The following SLA variants were observed in gnomAD, a reference collection of about 807,000 sequenced individuals.
The protein encoded by SLA is Src like adaptor.
SLA carries 16 observed loss-of-function variants against 30.3 expected under a neutral mutation model. That is an observed-to-expected ratio of 0.53 (90% CI 0.36 to 0.80). The LOEUF (loss-of-function observed/expected upper bound fraction) is 0.80. Among genes scored for constraint, SLA ranks in the 30% least tolerant of loss-of-function variants. SLA has a pLI of 0.01. For synonymous variants in SLA, 143 were observed against 137.8 expected (o/e 1.04, Z -0.26); for missense variants, 310 against 345.2 (o/e 0.90, Z 0.81).
At chr8:133,052,124 C>G (rs1473170302) in intron 3 of SLA, among the ~76,000 whole-genome samples, 1 of 152,210 alleles carries the variant, frequency 6.6e-6, no homozygotes, top group Non-Finnish European at 1.5e-5. Flanking sequence ...CCACACACCT[C>G]TAGATCCTGC....
intron 1 of SLA, chr8:133,096,344 G>A (rs1036754438): frequency 2.0e-5 from 32 of 1,614,054 alleles, no homozygotes; most frequent in African/African-American, 2.7e-5. Flanking sequence ...TCAGGACGAC[G>A]GGCTCATCAA....
chr8:133,098,033 C>A (rs973855439), intron 1 of SLA, among the ~76,000 whole-genome samples: 1 of 152,018 alleles, frequency 6.6e-6, no homozygotes, highest in Non-Finnish European at 1.5e-5. Context: ...ACAGCCAGGG[C>A]AAAATACCTT....
chr8:133,088,341 A>G (rs548074721), intron 1 of SLA, among the ~76,000 whole-genome samples: 2 of 152,250 alleles, frequency 1.3e-5, no homozygotes, highest in Admixed American at 1.3e-4. Context: ...CCAGCCGCTC[A>G]TGAGTGGAAT....
intron 5 of SLA, chr8:133,049,352 C>T (rs1017288485): frequency 3.3e-5 from 11 of 328,398 alleles, no homozygotes; most frequent in East Asian, 1.5e-4. Flanking sequence ...TAATATTTAT[C>T]GAGTGCTTAC....
At chr8:133,064,862 C>T (rs895208817) in intron 2 of SLA, among the ~76,000 whole-genome samples, 7 of 152,290 alleles carry the variant, frequency 4.6e-5, no homozygotes, top group Admixed American at 2.6e-4. Flanking sequence ...GATGCCTGGC[C>T]TTGCTGCTGG....
intron 2 of SLA, among the ~76,000 whole-genome samples, chr8:133,071,103 C>T (rs1014036140): frequency 1.2e-4 from 19 of 152,208 alleles, no homozygotes; most frequent in African/African-American, 4.6e-4. Context: ...CCTGTGTCCA[C>T]CTCAGATTGG....
intron 1 of SLA, among the ~76,000 whole-genome samples, chr8:133,080,579 A>G (rs1007283527): frequency 2.6e-5 from 4 of 152,146 alleles, no homozygotes; most frequent in African/African-American, 9.6e-5. Context: ...AGCTGCCCCA[A>G]ACTCAGGACC....
At chr8:133,051,015 C>G (rs1456410309) in intron 3 of SLA, 100 bp from the exon 4 acceptor site, 2 of 688,652 alleles carry the variant, frequency 2.9e-6, no homozygotes, top group Non-Finnish European at 5.2e-6. Context: ...TGAGATTTTC[C>G]AGCAGGAAAT....
At chr8:133,068,748 T>C (rs73361268) in intron 2 of SLA, among the ~76,000 whole-genome samples, 5,363 of 152,316 alleles carry the variant, frequency 0.035, 229 homozygotes, top group African/African-American at 0.098. Flanking sequence ...GCAGAAGCCA[T>C]TCCTGACGTG....
chr8:133,102,414 C>T (rs923554269), intron 1 of SLA, 139 bp downstream of exon 1: 11 of 700,848 alleles, frequency 1.6e-5, no homozygotes, highest in Non-Finnish European at 2.5e-5. Flanking sequence ...AGCAGAGACC[C>T]ACCCATTTTC....
chr8:133,065,154 A>G (rs1261629507), intron 2 of SLA, among the ~76,000 whole-genome samples: 2 of 152,202 alleles, frequency 1.3e-5, no homozygotes, highest in Non-Finnish European at 2.9e-5. Flanking sequence ...TGTGAATGCC[A>G]ACAACAACGG....
intron 3 of SLA, among the ~76,000 whole-genome samples, chr8:133,057,774 C>CAAAAAAA (rs5895173): frequency 7.0e-6 from 1 of 142,042 alleles, no homozygotes. Flanking sequence ...AAACAAAAAA[C>CAAAAAAA]AAAAAAAAAA....
intron 2 of SLA, chr8:133,072,789 T>C (rs1844265851): frequency 6.6e-6 from 1 of 152,150 alleles, no homozygotes; most frequent in African/African-American, 2.4e-5. Flanking sequence ...CTTAGGAAAG[T>C]GTTATTCGGA....
chr8:133,088,785 C>T (rs1433896243), intron 1 of SLA, among the ~76,000 whole-genome samples: 1 of 152,108 alleles, frequency 6.6e-6, no homozygotes, highest in Admixed American at 6.6e-5. Context: ...ACTGGGATTT[C>T]AAGACGAATT....
At chr8:133,094,389 C>T (rs2739178) in intron 1 of SLA, among the ~76,000 whole-genome samples, 5,482 of 151,844 alleles carry the variant, frequency 0.036, 330 homozygotes, top group African/African-American at 0.12. Context: ...TACAGGCGCC[C>T]GTCACCACGC....
intron 2 of SLA, among the ~76,000 whole-genome samples, chr8:133,071,655 G>T (rs1844056581): frequency 6.6e-6 from 1 of 152,020 alleles, no homozygotes; most frequent in Admixed American, 6.5e-5. Context: ...GGGAGGAGTG[G>T]GGGGAGGAGG....
At chr8:133,069,212 T>C (rs1211419139) in intron 2 of SLA, among the ~76,000 whole-genome samples, 1 of 152,268 alleles carries the variant, frequency 6.6e-6, no homozygotes, top group Non-Finnish European at 1.5e-5. Flanking sequence ...CCGTGATTTC[T>C]TTATTGCATC....
At chr8:133,059,908 G>A (rs954734208) in intron 3 of SLA, among the ~76,000 whole-genome samples, 192 bp downstream of exon 3, 2 of 152,214 alleles carry the variant, frequency 1.3e-5, no homozygotes, top group Non-Finnish European at 2.9e-5. Context: ...CAGGTGCGCC[G>A]AGCACCCAAT....
chr8:133,054,793 C>T (rs971793899), intron 3 of SLA, among the ~76,000 whole-genome samples: 7 of 152,222 alleles, frequency 4.6e-5, no homozygotes, highest in South Asian at 2.1e-4. Flanking sequence ...AAATAGGAAA[C>T]GAATCCACAA....
Sources: allele counts gnomAD v4.1 joint callset (sites outside exome capture counted in the v4.1 genomes callset), GRCh38; gene constraint gnomAD v4.1.1; transcripts MANE v1.5; gene names NCBI Gene and HGNC (gene_info 2026-07-23, HGNC 2026-07-21).